Variants in RABL6 observed in about 807,000 individuals in gnomAD.
RABL6 encodes the protein RAB, member RAS oncogene family like 6, also known as rab-like protein 6.
A neutral mutation model predicts 72.9 loss-of-function variants in RABL6; 28 were observed. That is an observed-to-expected ratio of 0.38 (90% CI 0.28 to 0.53). The LOEUF (loss-of-function observed/expected upper bound fraction) is 0.53. Ranked by LOEUF, RABL6 falls within the 20% of genes least tolerant of loss-of-function variation. RABL6 has a pLI of 0.80. For missense variants in RABL6, 1,029 were observed against 1,008.4 expected, an observed-to-expected ratio of 1.02 and a Z score of -0.28; for synonymous variants, 477 against 421.2, an observed-to-expected ratio of 1.13 and a Z score of -1.62.
Position 136,808,101 on chromosome 9 carries a change from G to A in RABL6, c.-96G>A, listed in dbSNP as rs1449387039. The A allele has an allele frequency of 1.3e-5, 16 of 1,253,508 alleles. No individual in the cohort carries two copies. Among genetic ancestry groups the A allele is most frequent in the East Asian group, 3.8e-5 (1 of 26,400 alleles). The allele number at this position is 1,253,508 out of a possible 1,614,324, so 77.6% of individuals were successfully genotyped here. On this transcript the variant is annotated 5_prime_UTR_variant, in exon 1 of 15. Coordinates refer to ENST00000311502, the MANE Select transcript of RABL6 (RefSeq NM_024718.5). Reference sequence around the variant, plus strand: ...GCCGCGCCGGCTCCGGCCTCCGGGGGGGCCGGGGCCGCCGGGACATGGTGC... The same window carrying A: ...GCCGCGCCGGCTCCGGCCTCCGGGGAGGCCGGGGCCGCCGGGACATGGTGC...
intron 8 of RABL6, 135 bp downstream of exon 8, chr9:136,835,980 C>T (rs1021220534): frequency 1.6e-5 from 13 of 827,060 alleles, no homozygotes; most frequent in Admixed American, 7.4e-5. Flanking sequence ...CCTTTGGGCA[C>T]GGGTGGAGGA....
intron 5 of RABL6, 105 bp from the exon 6 acceptor site, chr9:136,831,616 T>G: frequency 7.3e-6 from 11 of 1,503,984 alleles, no homozygotes; most frequent in Non-Finnish European, 1.0e-5. Flanking sequence ...ATGTTGGAAA[T>G]GAGAAGCAGC....
At position 136,836,078 on chromosome 9, in the gene RABL6, C is replaced by CT. The variant is rs1185074244; in HGVS notation, c.809+234dup. 1.3e-5 allele frequency: 6 copies of CT among 453,204 alleles called. 1 individual carries two copies. The South Asian group carries it at 1.7e-4, about 13-fold the overall frequency. 28.1% of individuals were successfully genotyped at this position (453,204 alleles called of 1,614,324 possible). ...TACAGGTCATGCTGTGCCTGCCACT[C>CT]TGAGTACCGCTGACCGTGGCCAGGT... On this transcript the variant is annotated intron_variant, in intron 8 of 14. Transcript: ENST00000311502.
At chr9:136,834,671 G>A (rs1848551772) in intron 7 of RABL6, among the ~76,000 whole-genome samples, 1 of 152,120 alleles carries the variant, frequency 6.6e-6, no homozygotes, top group Non-Finnish European at 1.5e-5. Context: ...TAGGGACGGG[G>A]TTTTGCCATA....
In RABL6 at chr9:136,808,378, C is replaced by T. The variant is rs1847916101; in HGVS notation, c.130+52C>T. On this transcript the variant is annotated intron_variant, in intron 1 of 14. Coordinates refer to ENST00000311502, the MANE Select transcript of RABL6 (RefSeq NM_024718.5). ...GGGAGCGCCGCGCGGGTCTCCGAAC[C>T]CAGGCCCCGGGCGCCGCGCGGTGGT... The T allele has an allele frequency of 2.1e-5, 29 of 1,413,758 alleles. No individual in the cohort carries two copies. In the South Asian group the frequency reaches 4.2e-4, roughly 21 times the overall value. 87.6% of individuals were successfully genotyped at this position (1,413,758 alleles called of 1,614,324 possible).
intron 2 of RABL6, among the ~76,000 whole-genome samples, chr9:136,824,876 T>C (rs966762634): frequency 9.9e-5 from 15 of 152,182 alleles, no homozygotes; most frequent in Admixed American, 7.9e-4. Flanking sequence ...CGCACCCTCT[T>C]CCTGGTTTGG....
intron 5 of RABL6, among the ~76,000 whole-genome samples, chr9:136,830,006 G>A (rs1375491888): frequency 6.6e-6 from 1 of 152,244 alleles, no homozygotes; most frequent in African/African-American, 2.4e-5. Context: ...GTGTCCCCCA[G>A]GACGCACCGG....
At chr9:136,833,741 G>A (rs993034569) in intron 7 of RABL6, 5 of 1,550,476 alleles carry the variant, frequency 3.2e-6, no homozygotes, top group Non-Finnish European at 4.4e-6. Flanking sequence ...GCTTGCCCAG[G>A]AAAGGGGCTG....
Position 136,826,716 on chromosome 9 carries a change from TAG to T in RABL6, c.313+895_313+896del, listed in dbSNP as rs949509577. On this transcript the variant is annotated intron_variant, in intron 3 of 14. Coordinates refer to ENST00000311502, the MANE Select transcript of RABL6 (RefSeq NM_024718.5). The surrounding 1 kb of genome is among the most constrained non-coding windows in gnomAD (Gnocchi z 4.9). Reference sequence around the variant, plus strand: ...CAGAGCTCTGCGTGGTCTCTGGTGTTAGAGAGGTGGCCACCCACCGCCCTATC... The same window carrying T: ...CAGAGCTCTGCGTGGTCTCTGGTGTTAGAGGTGGCCACCCACCGCCCTATC... 6.6e-6 allele frequency: 1 copy of T among 152,140 alleles called. No homozygotes were observed. Among genetic ancestry groups the T allele is most frequent in the African/African-American group, 2.4e-5 (1 of 41,398 alleles). The allele number at this position is 152,140 out of a possible 1,614,324, so 9.4% of individuals were successfully genotyped here.
intron 1 of RABL6, chr9:136,809,791 G>A (rs1339902937): frequency 6.3e-6 from 1 of 158,212 alleles, no homozygotes; most frequent in Non-Finnish European, 1.5e-5. Flanking sequence ...AACGGATTAT[G>A]TTGAAGACAA....
At chr9:136,821,480 C>A (rs919294768) in intron 1 of RABL6, 6 of 985,276 alleles carry the variant, frequency 6.1e-6, no homozygotes, top group Non-Finnish European at 6.0e-6. Flanking sequence ...TGGATGGCGC[C>A]GCCGTTCTCT....
rs539772701 is a variant in RABL6, at chr9:136,829,431, C to T, written c.405C>T (p.Asp135=). The T allele has an allele frequency of 4.6e-5, 73 of 1,586,244 alleles. No individual in the cohort carries two copies. The highest frequency in any genetic ancestry group is 5.4e-5 in the African/African-American group (4 of 74,454). Residue 135 remains aspartate (D), a synonymous_variant, in exon 5 of 15, where the codon GAC becomes GAT. Transcript: ENST00000311502. The part of the protein sequence containing the change: ...SEMALDAEFL[D]VYKNCNGVVM... ...TGGCCCTGGATGCTGAGTTCCTGGACGTGTACAAGAACTGCAACGGGGTGG... is the reference window on the plus strand; with the variant it reads ...TGGCCCTGGATGCTGAGTTCCTGGATGTGTACAAGAACTGCAACGGGGTGG...
At chr9:136,812,954 A>T (rs1344650319) in intron 1 of RABL6, 1 of 352,578 alleles carries the variant, frequency 2.8e-6, no homozygotes, top group East Asian at 7.9e-5. Flanking sequence ...GCCCAGTCCA[A>T]GTTACCTTTG....
chr9:136,812,486 G>A lies in RABL6; in HGVS notation c.130+4160G>A, dbSNP rs1166329541. ...AGGCAGGAGAATCGCTTGAACCCGG[G>A]AGGCAGAGGTTGCCGTGAGCCAAGA... is the stretch of plus-strand genomic sequence containing the variant. On this transcript the variant is annotated intron_variant, in intron 1 of 14. Coordinates refer to ENST00000311502, the MANE Select transcript of RABL6 (RefSeq NM_024718.5). Among the ~76,000 whole-genome samples, 4 of 152,124 alleles carry A rather than the reference G, an allele frequency of 2.6e-5. No homozygotes were observed. In the East Asian group the frequency reaches 7.7e-4, roughly 29 times the overall value.
chr9:136,833,813 C>T (rs767392980), intron 7 of RABL6: 48 of 1,550,372 alleles, frequency 3.1e-5, no homozygotes, highest in African/African-American at 6.8e-5. Context: ...CTGCTGGGGA[C>T]GTTTGGGTTG....
chr9:136,832,180 G>A lies in RABL6; in HGVS notation c.600-85G>A, dbSNP rs538446692. The A allele has an allele frequency of 8.6e-5, 110 of 1,285,530 alleles. 1 individual carries two copies. Among genetic ancestry groups the A allele is most frequent in the East Asian group, 4.6e-4 (20 of 43,144 alleles). 79.6% of individuals were successfully genotyped at this position (1,285,530 alleles called of 1,614,324 possible). ...CCTGCAGGAGGAGGGAGGGCAGTGC[G>A]GACCCACAGCTGTGGGCCCAGGGGT... On this transcript the variant is annotated intron_variant, in intron 6 of 14. Coordinates refer to ENST00000311502, the MANE Select transcript of RABL6 (RefSeq NM_024718.5).
At position 136,840,718 on chromosome 9, in the gene RABL6, C is replaced by T. The variant is rs1307201351; in HGVS notation, c.*196C>T. ...GGCCTTCAGGCCCAGTGTGAGCCTG[C>T]TCTGCAAGAAGGGAGGGGACAGCTG... On this transcript the variant is annotated 3_prime_UTR_variant, in exon 15 of 15. Coordinates refer to ENST00000311502, the MANE Select transcript of RABL6 (RefSeq NM_024718.5). The T allele has an allele frequency of 6.5e-6, 10 of 1,548,684 alleles. No individual in the cohort carries two copies. Among genetic ancestry groups the T allele is most frequent in the African/African-American group, 1.4e-5 (1 of 73,110 alleles).
At chr9:136,815,255 CT>C in intron 1 of RABL6, 1 of 302,992 alleles carries the variant, frequency 3.3e-6, no homozygotes, top group Non-Finnish European at 6.6e-6. Flanking sequence ...CTATGGCTCC[CT>C]TCTTGGCAGG....
In RABL6 at chr9:136,828,824, C is replaced by G. The variant is rs147839364; in HGVS notation, c.366+278C>G. Among the ~76,000 whole-genome samples, 38 of 152,284 alleles carry G rather than the reference C, an allele frequency of 2.5e-4. No individual in the cohort carries two copies. The East Asian group carries it at 7.0e-3, about 28-fold the overall frequency. ...TAAGTGAACTCGCCAAACTTTTATCCCAGTCTCGGTGGGCTCGGCCCTTCA... is the reference window on the plus strand; with the variant it reads ...TAAGTGAACTCGCCAAACTTTTATCGCAGTCTCGGTGGGCTCGGCCCTTCA... On this transcript the variant is annotated intron_variant, in intron 4 of 14. Coordinates refer to ENST00000311502, the MANE Select transcript of RABL6 (RefSeq NM_024718.5).
Sources: allele counts gnomAD v4.1 joint callset (sites outside exome capture counted in the v4.1 genomes callset), GRCh38; gene constraint gnomAD v4.1.1; non-coding constraint Gnocchi (gnomAD v3.1); transcripts MANE v1.5; gene names NCBI Gene and HGNC (gene_info 2026-07-23, HGNC 2026-07-21).